KSR1: variants seen among roughly 807,000 people sequenced by gnomAD.
KSR1 encodes kinase suppressor of ras 1.
KSR1 carries 35 observed loss-of-function variants against 92.9 expected under a neutral mutation model. The observed-to-expected ratio is 0.38, with a 90% CI of 0.29 to 0.50. The LOEUF is 0.50. Among genes scored for constraint, KSR1 ranks in the 20% least tolerant of loss-of-function variants. The pLI, the probability that KSR1 is intolerant of heterozygous loss-of-function variation, is 0.94. For synonymous variants in KSR1, 467 were observed against 472.6 expected (o/e 0.99, Z 0.15); for missense variants, 972 against 1,158.5 (o/e 0.84, Z 2.34).
intron 1 of KSR1, among the ~76,000 whole-genome samples, chr17:27,493,780 G>T (rs572661877): frequency 1.3e-5 from 2 of 152,296 alleles, no homozygotes; most frequent in South Asian, 4.1e-4. Context: ...TAATGGGGTC[G>T]TGAGACCATT....
chr17:27,572,945 G>C (rs1348043955), intron 2 of KSR1, among the ~76,000 whole-genome samples: 1 of 152,208 alleles, frequency 6.6e-6, no homozygotes, highest in Non-Finnish European at 1.5e-5. Flanking sequence ...TTGGGTCTCA[G>C]AGTCAGTTGT....
In KSR1 at chr17:27,593,818, T is replaced by C. The variant is rs147641646; in HGVS notation, c.1299+1192T>C. On this transcript the variant is annotated intron_variant, in intron 9 of 20. Coordinates refer to ENST00000644974, the MANE Select transcript of KSR1 (RefSeq NM_001394583.1). ...AACAGAAATTAGTTTCTCATGGTTC[T>C]GGAGGCTGGGAAGATCAAGGTGCCA... Among the ~76,000 whole-genome samples, 397 of 152,356 alleles carry C rather than the reference T, an allele frequency of 2.6e-3. 2 individuals carry two copies. The highest frequency in any genetic ancestry group is 9.2e-3 in the African/African-American group (383 of 41,580).
chr17:27,570,898 G>A (rs1314434467), intron 2 of KSR1, among the ~76,000 whole-genome samples: 1 of 152,226 alleles, frequency 6.6e-6, no homozygotes, highest in Non-Finnish European at 1.5e-5. Context: ...CAAGCATTGC[G>A]ATTCATTTTT....
chr17:27,526,044 T>TTTCTTTTCTTTTCTTTTCTTTTCTTTCTC (rs1555576232), intron 1 of KSR1, among the ~76,000 whole-genome samples: 2 of 122,930 alleles, frequency 1.6e-5, no homozygotes, highest in Non-Finnish European at 3.3e-5. Flanking sequence ...TTTCTTTTCT[T>TTTCTTTTCTTTTCTTTTCTTTTCTTTCTC]TCTCTCTCTC....
At chr17:27,515,619 T>TG (rs2151010354) in intron 1 of KSR1, among the ~76,000 whole-genome samples, 1 of 151,474 alleles carries the variant, frequency 6.6e-6, no homozygotes, top group African/African-American at 2.4e-5. Flanking sequence ...TAGTTTTTTT[T>TG]TTTTTTTTTT....
intron 1 of KSR1, among the ~76,000 whole-genome samples, chr17:27,530,198 A>C (rs1391305524): frequency 6.6e-6 from 1 of 152,204 alleles, no homozygotes; most frequent in Non-Finnish European, 1.5e-5. Context: ...CAGTCCCAGC[A>C]CTTTGGGTGG....
At chr17:27,511,152 C>A (rs1258256778) in intron 1 of KSR1, among the ~76,000 whole-genome samples, 1 of 152,224 alleles carries the variant, frequency 6.6e-6, no homozygotes, top group Non-Finnish European at 1.5e-5. Context: ...GAGGAGTTTC[C>A]TGGCTAGAGA....
At chr17:27,601,502 C>T (rs2073556365) in intron 11 of KSR1, 101 bp downstream of exon 11, 3 of 963,196 alleles carry the variant, frequency 3.1e-6, no homozygotes, top group Non-Finnish European at 4.9e-6. Context: ...TTTGGAGATA[C>T]TTGAGTCTCC....
At chr17:27,598,191 T>A (rs564576348) in intron 10 of KSR1, among the ~76,000 whole-genome samples, 34 of 152,284 alleles carry the variant, frequency 2.2e-4, no homozygotes, top group African/African-American at 8.2e-4. Context: ...CCCTGGCAGC[T>A]CCTCAGAGTC....
At chr17:27,549,139 A>T (rs2071298224) in intron 1 of KSR1, among the ~76,000 whole-genome samples, 1 of 152,210 alleles carries the variant, frequency 6.6e-6, no homozygotes, top group Admixed American at 6.5e-5. Context: ...TGAAAGGAAA[A>T]GGAATGAATT....
intron 1 of KSR1, among the ~76,000 whole-genome samples, chr17:27,509,851 A>G (rs1247549005): frequency 6.6e-6 from 1 of 152,194 alleles, no homozygotes; most frequent in Non-Finnish European, 1.5e-5. Context: ...AAAAATAAAT[A>G]AATAAAATAA....
rs549941120 is a variant in KSR1, at chr17:27,545,972, G to A, written c.232-4596G>A. Among the ~76,000 whole-genome samples, 16 of 152,352 alleles carry A rather than the reference G, an allele frequency of 1.1e-4. No individual in the cohort carries two copies. The South Asian group carries it at 3.1e-3, about 30-fold the overall frequency. On this transcript the variant is annotated intron_variant, in intron 1 of 20. Coordinates refer to ENST00000644974, the MANE Select transcript of KSR1 (RefSeq NM_001394583.1). Reference sequence around the variant, plus strand: ...GAGGCAGGACCCTTGAAGGCCATGTGCCAGTGACAGAAGGGCTCTAGTGCT... The same window carrying A: ...GAGGCAGGACCCTTGAAGGCCATGTACCAGTGACAGAAGGGCTCTAGTGCT...
At position 27,506,011 on chromosome 17, in the gene KSR1, T is replaced by TA. The variant is rs148185683; in HGVS notation, c.232-44551dup. On this transcript the variant is annotated intron_variant, in intron 1 of 20. Coordinates refer to ENST00000644974, the MANE Select transcript of KSR1 (RefSeq NM_001394583.1). ...TTTTCTTTTCCTAGAAGATAGCCTT[T>TA]AAAAAACGATGCATTGCCTACACAC... is the stretch of plus-strand genomic sequence containing the variant. 6.0e-3 allele frequency among the ~76,000 whole-genome samples: 914 copies of TA among 152,246 alleles called. 10 individuals are homozygous for TA. The highest frequency in any genetic ancestry group is 0.02 in the African/African-American group (835 of 41,542).
intron 11 of KSR1, chr17:27,602,012 G>C: frequency 8.1e-7 from 1 of 1,241,146 alleles, no homozygotes; most frequent in South Asian, 1.3e-5. Flanking sequence ...CACTTACTAT[G>C]TACCAACCTT....
rs376687136 is a variant in KSR1 at position 27,610,050 on chromosome 17, G to A, written c.2226-17G>A. ...GCTGAAAGGCCTGTGTCCTTGTCCC[G>A]GCTTCCTGGTCTCCAGGCGTGAGAA... On this transcript the variant is annotated splice_polypyrimidine_tract_variant and intron_variant, in intron 16 of 20. Transcript: ENST00000644974. 1.1e-5 allele frequency: 17 copies of A among 1,613,404 alleles called. No individual in the cohort carries two copies. Among genetic ancestry groups the A allele is most frequent in the Admixed American group, 3.3e-5 (2 of 59,988 alleles).
intron 1 of KSR1, among the ~76,000 whole-genome samples, chr17:27,472,242 C>T (rs10853147): frequency 0.49 from 73,804 of 152,060 alleles, 19,241 homozygotes; most frequent in East Asian, 0.69. Context: ...TTGTGCTCCT[C>T]ATGGGTTTCT....
intron 1 of KSR1, among the ~76,000 whole-genome samples, chr17:27,516,136 A>G (rs1209894295): frequency 6.6e-6 from 1 of 152,174 alleles, no homozygotes; most frequent in Non-Finnish European, 1.5e-5. Flanking sequence ...CAAAGGAGAA[A>G]ATCGAGAAAA....
chr17:27,542,280 G>A (rs987670274), intron 1 of KSR1, among the ~76,000 whole-genome samples: 1 of 152,146 alleles, frequency 6.6e-6, no homozygotes, highest in Non-Finnish European at 1.5e-5. Flanking sequence ...GTAACTGAGG[G>A]AGCCTGCTAC....
chr17:27,540,879 C>G (rs2070938760), intron 1 of KSR1, among the ~76,000 whole-genome samples: 1 of 152,232 alleles, frequency 6.6e-6, no homozygotes, highest in South Asian at 2.1e-4. Context: ...CATTTTGCAA[C>G]AAGTTGGCCA....
Sources: allele counts gnomAD v4.1 joint callset (sites outside exome capture counted in the v4.1 genomes callset), GRCh38; gene constraint gnomAD v4.1.1; transcripts MANE v1.5; gene names NCBI Gene and HGNC (gene_info 2026-07-23, HGNC 2026-07-21).